PTPRT: variants seen among roughly 807,000 people sequenced by gnomAD.
The protein encoded by PTPRT is protein tyrosine phosphatase receptor type T.
Under a neutral mutation model 176.8 loss-of-function variants are expected in PTPRT, and 56 were observed. That is an observed-to-expected ratio of 0.32 (90% CI 0.26 to 0.40). The LOEUF is 0.40. Ranked by LOEUF, PTPRT falls within the 10% of genes least tolerant of loss-of-function variation. The pLI, the probability that PTPRT is intolerant of heterozygous loss-of-function variation, is 1.00. For synonymous variants in PTPRT, 783 were observed against 739.0 expected, an observed-to-expected ratio of 1.06 and a Z score of -0.96; for missense variants, 1,540 against 1,908.2, an observed-to-expected ratio of 0.81 and a Z score of 3.60.
chr20:42,596,086 G>A (rs1343549217), intron 7 of PTPRT, among the ~76,000 whole-genome samples: 1 of 152,150 alleles, frequency 6.6e-6, no homozygotes. Flanking sequence ...TAAAGGCAGG[G>A]CTGTGATCAC....
At position 42,463,225 on chromosome 20, in the gene PTPRT, C is replaced by CT. The variant is rs112889691; in HGVS notation, c.1450+9040dup. The stretch of plus-strand genomic sequence containing the variant: ...AAAAAGACTTCTCGGCAAAAAATTC[C>CT]TTTTTTTGTCTTATCTTCTAATTCT... On this transcript the variant is annotated intron_variant, in intron 8 of 30. Coordinates refer to ENST00000373187, the MANE Select transcript of PTPRT (RefSeq NM_007050.6). Among the ~76,000 whole-genome samples the CT allele has an allele frequency of 3.6e-3, 540 of 152,054 alleles. 3 individuals carry two copies. The highest frequency in any genetic ancestry group is 0.012 in the African/African-American group (489 of 41,476).
chr20:42,237,087 C>T (rs536209815), intron 14 of PTPRT, among the ~76,000 whole-genome samples: 1 of 152,186 alleles, frequency 6.6e-6, no homozygotes, highest in African/African-American at 2.4e-5. Flanking sequence ...AAATGTCCCA[C>T]CAGCCCCCAG....
intron 9 of PTPRT, among the ~76,000 whole-genome samples, chr20:42,427,826 G>T (rs189246286): frequency 2.2e-4 from 34 of 152,222 alleles, no homozygotes; most frequent in Admixed American, 1.8e-3. Flanking sequence ...ACTGATCAAT[G>T]TACTTTATAA....
chr20:42,801,027 G>T (rs956737173), intron 2 of PTPRT, among the ~76,000 whole-genome samples: 2 of 151,948 alleles, frequency 1.3e-5, no homozygotes, highest in Admixed American at 1.3e-4. Flanking sequence ...TTCTTCCTGG[G>T]GAGAGCATCC....
chr20:42,852,238 C>T (rs1392891902), intron 2 of PTPRT, among the ~76,000 whole-genome samples: 1 of 152,068 alleles, frequency 6.6e-6, no homozygotes, highest in African/African-American at 2.4e-5. Flanking sequence ...GGAGAATTGA[C>T]ATATTTATAT....
chr20:42,781,971 G>A (rs996843513), intron 3 of PTPRT, among the ~76,000 whole-genome samples: 9 of 152,092 alleles, frequency 5.9e-5, no homozygotes, highest in African/African-American at 2.2e-4. Flanking sequence ...TTTAATTATA[G>A]TGTCTACCTC....
rs145734096 is a variant in PTPRT at position 42,669,299 on chromosome 20, T to G, written c.1153+8567A>C. Among the ~76,000 whole-genome samples the G allele has an allele frequency of 1.9e-4, 29 of 152,298 alleles. 1 individual carries two copies. The highest frequency in any genetic ancestry group is 6.7e-4 in the African/African-American group (28 of 41,578). ...ATGTCCCTTCGAGCATGGTGTGGCA[T>G]GCATGAAAGTCCCCTCCTTCCCTAG... On this transcript the variant is annotated intron_variant, in intron 7 of 30. Transcript: ENST00000373187.
intron 9 of PTPRT, among the ~76,000 whole-genome samples, chr20:42,420,887 C>T (rs1451341212): frequency 1.3e-5 from 2 of 152,016 alleles, no homozygotes; most frequent in Non-Finnish European, 2.9e-5. Flanking sequence ...TGGAAGAAGC[C>T]CCTGTCAGTA....
chr20:42,282,532 A>C lies in PTPRT; in HGVS notation c.2140-7T>G. 6.2e-7 allele frequency: 1 copy of C among 1,606,628 alleles called. No homozygotes were observed. ...CACAGTTGATTTTGGTCTCCTGTGA[A>C]CAACAAAAATGAGATGCCAATTAAT... is the stretch of plus-strand genomic sequence containing the variant. On this transcript the variant is annotated splice_polypyrimidine_tract_variant and splice_region_variant and intron_variant, in intron 12 of 30. Coordinates refer to ENST00000373187, the MANE Select transcript of PTPRT (RefSeq NM_007050.6).
At position 43,144,223 on chromosome 20, in the gene PTPRT, C is replaced by T. The variant is rs116916884; in HGVS notation, c.88+45423G>A. Among the ~76,000 whole-genome samples the T allele has an allele frequency of 2.6e-5, 4 of 152,296 alleles. No individual in the cohort carries two copies. In the East Asian group the frequency reaches 7.7e-4, roughly 29 times the overall value. On this transcript the variant is annotated intron_variant, in intron 1 of 30. Transcript: ENST00000373187. ...CTCAACTGCTCACCAGACACCCTGACCACAACATCCCTGAGCACTCACACT... is the reference window on the plus strand; with the variant it reads ...CTCAACTGCTCACCAGACACCCTGATCACAACATCCCTGAGCACTCACACT...
chr20:42,155,569 C>T (rs1349553608), intron 17 of PTPRT, among the ~76,000 whole-genome samples: 4 of 152,148 alleles, frequency 2.6e-5, no homozygotes, highest in African/African-American at 4.8e-5. Flanking sequence ...AGTGACCTGC[C>T]TAAGGTCACC....
chr20:42,074,854 T>C lies in PTPRT; in HGVS notation c.*6025A>G, dbSNP rs904310182. 3 of 398,538 alleles carry C rather than the reference T, an allele frequency of 7.5e-6. No individual in the cohort carries two copies. Among genetic ancestry groups the C allele is most frequent in the African/African-American group, 6.2e-5 (3 of 48,624 alleles). The allele number at this position is 398,538 out of a possible 1,614,324, so 24.7% of individuals were successfully genotyped here. ...CAAGACATCTCTATAGTCAGTGCCA[T>C]GCAAAAGCCCATCCCTGGTTACTAA... On this transcript the variant is annotated 3_prime_UTR_variant, in exon 31 of 31. Coordinates refer to ENST00000373187, the MANE Select transcript of PTPRT (RefSeq NM_007050.6).
At chr20:42,991,004 G>A (rs767974363) in intron 1 of PTPRT, among the ~76,000 whole-genome samples, 1 of 152,106 alleles carries the variant, frequency 6.6e-6, no homozygotes, top group Admixed American at 6.6e-5. Flanking sequence ...GAAAATTTAG[G>A]GGGTGAAAGG....
chr20:42,710,483 G>T (rs2076128477), intron 6 of PTPRT, among the ~76,000 whole-genome samples: 1 of 152,240 alleles, frequency 6.6e-6, no homozygotes, highest in South Asian at 2.1e-4. Flanking sequence ...AGCCCAGAGG[G>T]CACAATCCAT....
intron 4 of PTPRT, among the ~76,000 whole-genome samples, chr20:42,778,586 G>A (rs2077170371): frequency 6.6e-6 from 1 of 152,164 alleles, no homozygotes; most frequent in African/African-American, 2.4e-5. Context: ...ATGTTTCAGA[G>A]AGACTACCTC....
chr20:43,067,529 A>G (rs950397844), intron 1 of PTPRT, among the ~76,000 whole-genome samples: 1 of 152,200 alleles, frequency 6.6e-6, no homozygotes, highest in Non-Finnish European at 1.5e-5. Context: ...TTTTAAAAGA[A>G]AGGAGTCAGT....
chr20:42,120,619 C>A (rs1987539171), intron 19 of PTPRT, among the ~76,000 whole-genome samples: 1 of 152,152 alleles, frequency 6.6e-6, no homozygotes, highest in East Asian at 1.9e-4. Flanking sequence ...CTACAGTAGG[C>A]CCTGCTGTAC....
intron 1 of PTPRT, among the ~76,000 whole-genome samples, chr20:42,906,627 G>C (rs1430785935): frequency 1.3e-5 from 2 of 152,134 alleles, no homozygotes; most frequent in Non-Finnish European, 2.9e-5. Flanking sequence ...TTCATCCCTA[G>C]ATGCTGCTGT....
At chr20:42,660,857 TTTA>T (rs1393783412) in intron 7 of PTPRT, among the ~76,000 whole-genome samples, 1 of 152,152 alleles carries the variant, frequency 6.6e-6, no homozygotes, top group Non-Finnish European at 1.5e-5. Flanking sequence ...TTTGTTTGTT[TTTA>T]TTTTTTCTTG....
Sources: allele counts gnomAD v4.1 joint callset (sites outside exome capture counted in the v4.1 genomes callset), GRCh38; gene constraint gnomAD v4.1.1; transcripts MANE v1.5; gene names NCBI Gene and HGNC (gene_info 2026-07-23, HGNC 2026-07-21).